RNF115: variants seen among roughly 807,000 people sequenced by gnomAD.
RNF115 encodes the protein E3 ubiquitin-protein ligase RNF115.
In RNF115, 31 loss-of-function variants were observed where a neutral mutation model predicts 39.2. That is an observed-to-expected ratio of 0.79 (90% CI 0.59 to 1.07). RNF115 has a LOEUF of 1.07. RNF115 is among the 50% of genes least tolerant of loss of function. The pLI, the probability that RNF115 is intolerant of heterozygous loss-of-function variation, is 0.00. For synonymous variants in RNF115, 124 were observed against 131.0 expected (o/e 0.95, Z 0.37); for missense variants, 384 against 381.7 (o/e 1.01, Z -0.05).
At chr1:145,777,867 T>G (rs1242576101) in intron 3 of RNF115, among the ~76,000 whole-genome samples, 2 of 152,110 alleles carry the variant, frequency 1.3e-5, no homozygotes, top group Non-Finnish European at 2.9e-5. Flanking sequence ...TATCTTCCAT[T>G]TGGCAGAACT....
At chr1:145,800,243 T>C (rs1383644544) in intron 1 of RNF115, among the ~76,000 whole-genome samples, 3 of 152,238 alleles carry the variant, frequency 2.0e-5, no homozygotes, top group African/African-American at 7.2e-5. Flanking sequence ...AGTCTACTTA[T>C]ATTTACTAAA....
chr1:145,781,887 C>G (rs1648164508), intron 3 of RNF115, among the ~76,000 whole-genome samples: 1 of 150,370 alleles, frequency 6.7e-6, no homozygotes, highest in Non-Finnish European at 1.5e-5. Context: ...TTATTATACT[C>G]TGTACACTTT....
intron 1 of RNF115, among the ~76,000 whole-genome samples, chr1:145,792,519 A>G (rs1215271496): frequency 2.6e-5 from 4 of 152,098 alleles, no homozygotes; most frequent in African/African-American, 9.7e-5. Context: ...AAAATCCCTC[A>G]TGTCAAAAAG....
rs587738798 is a variant in RNF115, at chr1:145,759,670, C to T, written c.429-6621G>A. ...ACCTCGCAGCCCCCCATTCTATTTT[C>T]AGCACAGCAGTTAGAGCAATCATTT... is the stretch of plus-strand genomic sequence containing the variant. On this transcript the variant is annotated intron_variant, in intron 4 of 8. Coordinates refer to ENST00000582693, the MANE Select transcript of RNF115 (RefSeq NM_014455.4). Among the ~76,000 whole-genome samples, 38 of 152,300 alleles carry T rather than the reference C, an allele frequency of 2.5e-4. No homozygotes were observed. In the South Asian group the frequency reaches 7.5e-3, roughly 30 times the overall value.
chr1:145,773,278 C>T (rs1553716021), intron 3 of RNF115: 1 of 151,708 alleles, frequency 6.6e-6, no homozygotes, highest in African/African-American at 2.4e-5. Context: ...TCACATGCTT[C>T]GTAATTTTTT....
chr1:145,752,590 T>TTTTTTC (rs1658132725), intron 5 of RNF115, among the ~76,000 whole-genome samples: 1 of 136,652 alleles, frequency 7.3e-6, no homozygotes, highest in African/African-American at 2.9e-5. Flanking sequence ...CAGCTCTTTT[T>TTTTTTC]TTTTTTTTTT....
At chr1:145,782,118 T>A (rs1648176670) in intron 3 of RNF115, among the ~76,000 whole-genome samples, 1 of 152,050 alleles carries the variant, frequency 6.6e-6, no homozygotes, top group South Asian at 2.1e-4. Context: ...TTGGCCAGGC[T>A]GGTCTTGAAC....
At chr1:145,792,455 T>C (rs1553719124) in intron 1 of RNF115, among the ~76,000 whole-genome samples, 1 of 152,068 alleles carries the variant, frequency 6.6e-6, no homozygotes, top group African/African-American at 2.4e-5. Context: ...AGTGCTGGGA[T>C]TACAGGCAAA....
Position 145,752,547 on chromosome 1 carries a change from C to G in RNF115, c.500+431G>C, listed in dbSNP as rs997875636. On this transcript the variant is annotated intron_variant, in intron 5 of 8. Transcript: ENST00000582693. ...GGCTTAGCAGATAATGGCAGTGTAG[C>G]AGCCTCCAGTTACATCTACATACTC... Among the ~76,000 whole-genome samples the G allele has an allele frequency of 4.0e-5, 6 of 149,904 alleles. No homozygotes were observed. The East Asian group carries it at 1.2e-3, about 29-fold the overall frequency.
rs879991996 is a variant in RNF115 at position 145,814,581 on chromosome 1, TA to T, written c.102+9190del. Among the ~76,000 whole-genome samples, 738 of 142,082 alleles carry T rather than the reference TA, an allele frequency of 5.2e-3. 3 individuals carry two copies. The highest frequency in any genetic ancestry group is 6.5e-3 in the African/African-American group (255 of 39,204). 93.2% of individuals were successfully genotyped at this position (142,082 alleles called of 152,430 possible). A position where few individuals can be genotyped will look rare whatever the true frequency, so the allele number is the denominator to read the frequency against. On this transcript the variant is annotated intron_variant, in intron 1 of 8. Transcript: ENST00000582693. ...CTGGGTGAAAGAGGGAAACTCCGTT[TA>T]AAAAAAAAAAAAAGAGGCAACTAAA...
At chr1:145,757,071 G>A (rs782380580) in intron 4 of RNF115, among the ~76,000 whole-genome samples, 1 of 151,920 alleles carries the variant, frequency 6.6e-6, no homozygotes, top group South Asian at 2.1e-4. Flanking sequence ...TCTGACCTCA[G>A]GTGATCCTCC....
chr1:145,788,515 A>G (rs140175496), intron 2 of RNF115, among the ~76,000 whole-genome samples: 2 of 152,360 alleles, frequency 1.3e-5, no homozygotes, highest in African/African-American at 2.4e-5. Flanking sequence ...CCAAAGAGGT[A>G]TAACAGCAGT....
intron 1 of RNF115, among the ~76,000 whole-genome samples, chr1:145,789,527 T>C (rs1553718632): frequency 6.6e-6 from 1 of 151,136 alleles, no homozygotes; most frequent in Non-Finnish European, 1.5e-5. Flanking sequence ...GCCTCCCAAG[T>C]AGCTAGGATT....
At chr1:145,823,504 C>T (rs1442709795) in intron 1 of RNF115, among the ~76,000 whole-genome samples, 1 of 120,764 alleles carries the variant, frequency 8.3e-6, no homozygotes, top group East Asian at 2.7e-4. Context: ...GGGAAACTTG[C>T]TAAGAAAAAA....
At position 145,740,435 on chromosome 1, in the gene RNF115, T is replaced by C. The variant is rs587682385; in HGVS notation, c.*6431A>G. ...GAGTCTTGCTTCTAAAGAGTTTATT[T>C]ACTCTGCTTATCTCGAGACTTGGTT... On this transcript the variant is annotated 3_prime_UTR_variant, in exon 9 of 9. Coordinates refer to ENST00000582693, the MANE Select transcript of RNF115 (RefSeq NM_014455.4). 1 of 152,380 alleles carries C rather than the reference T, an allele frequency of 6.6e-6. No individual in the cohort carries two copies. Among genetic ancestry groups the C allele is most frequent in the African/African-American group, 2.4e-5 (1 of 41,590 alleles). 9.4% of individuals were successfully genotyped at this position (152,380 alleles called of 1,614,324 possible).
At chr1:145,803,278 T>G (rs587746288) in intron 1 of RNF115, among the ~76,000 whole-genome samples, 2 of 152,322 alleles carry the variant, frequency 1.3e-5, no homozygotes, top group South Asian at 4.1e-4. Flanking sequence ...CAAGGATACC[T>G]ATACAATTTA....
intron 4 of RNF115, among the ~76,000 whole-genome samples, chr1:145,767,091 C>T (rs587642943): frequency 3.1e-4 from 47 of 149,504 alleles, no homozygotes; most frequent in African/African-American, 9.7e-4. Context: ...ACCTCCTTCC[C>T]GGACGGGGCG....
chr1:145,775,175 A>T (rs946604933), intron 3 of RNF115, among the ~76,000 whole-genome samples: 2 of 152,192 alleles, frequency 1.3e-5, no homozygotes. Flanking sequence ...TGAACCCAGG[A>T]TCTTGAGCTC....
Position 145,771,913 on chromosome 1 carries a change from C to G in RNF115, c.226G>C (p.Gly76Arg). Residue 76 changes from glycine (G) to arginine (R), a missense_variant, in exon 4 of 9, where the codon GGC becomes CGC. By Grantham distance (125) the Gly-to-Arg change is moderately radical. Coordinates refer to ENST00000582693, the MANE Select transcript of RNF115 (RefSeq NM_014455.4). ...AAAAACATCGTGTGATCCAAATGGC[C>G]CCAAAGCTAGTAAAGACCAGAAATA... ...TTTTHFAELWGHLDHTMFFQD... is the reference protein window; with the variant it reads ...TTTTHFAELWRHLDHTMFFQD... The G allele has an allele frequency of 6.2e-7, 1 of 1,613,154 alleles. No homozygotes were observed. The highest frequency in any genetic ancestry group is 1.7e-5 in the Admixed American group (1 of 59,922).
Sources: allele counts gnomAD v4.1 joint callset (sites outside exome capture counted in the v4.1 genomes callset), GRCh38; gene constraint gnomAD v4.1.1; transcripts MANE v1.5; gene names NCBI Gene and HGNC (gene_info 2026-07-23, HGNC 2026-07-21).